Variants in SLC14A2 observed in about 807,000 individuals in gnomAD.
SLC14A2 encodes solute carrier family 14 member 2, also known as urea transporter 2.
Under a neutral mutation model 104.6 loss-of-function variants are expected in SLC14A2, and 91 were observed. The observed-to-expected ratio is 0.87, with a 90% CI of 0.73 to 1.04. SLC14A2 has a LOEUF of 1.04. Ranked by LOEUF, SLC14A2 falls within the 50% of genes least tolerant of loss-of-function variation. The pLI, the probability that SLC14A2 is intolerant of heterozygous loss-of-function variation, is 0.00. For missense variants in SLC14A2, 1,189 were observed against 1,156.0 expected (o/e 1.03, Z -0.41); for synonymous variants, 476 against 466.4 (o/e 1.02, Z -0.27).
rs756388481 is a variant in SLC14A2, at chr18:45,666,162, A to G, written c.1500A>G (p.Glu500=). Residue 500 remains glutamate (E), a synonymous_variant, in exon 12 of 20, where the codon GAA becomes GAG. Transcript: ENST00000255226. ...SKVFGKGEHQ[E]RQNKDPFPYR... is the part of the protein sequence containing the mutation. The stretch of plus-strand genomic sequence containing the variant: ...TGTTTGGAAAAGGCGAACACCAGGA[A>G]AGACAAAACAAAGACCCATTTCCCT... 1.2e-6 allele frequency: 2 copies of G among 1,613,908 alleles called. No individual in the cohort carries two copies. The highest frequency in any genetic ancestry group is 3.3e-5 in the Admixed American group (2 of 60,018).
At chr18:45,535,105 T>C (rs977525855) in intron 2 of SLC14A2, among the ~76,000 whole-genome samples, 26 of 152,232 alleles carry the variant, frequency 1.7e-4, no homozygotes, top group African/African-American at 6.3e-4. Context: ...CTCTTTCTGT[T>C]TGTGCTCTGA....
chr18:45,473,469 G>A (rs907325017), intron 1 of SLC14A2, among the ~76,000 whole-genome samples: 1 of 144,080 alleles, frequency 6.9e-6, no homozygotes, highest in Non-Finnish European at 1.6e-5. Context: ...ACTTTGGGCA[G>A]TATGGCCATT....
intron 2 of SLC14A2, among the ~76,000 whole-genome samples, chr18:45,606,842 T>G (rs899449142): frequency 4.6e-5 from 7 of 150,946 alleles, no homozygotes; most frequent in Admixed American, 4.6e-4. Flanking sequence ...TAAGGTACAC[T>G]AGGAGGAGGA....
At chr18:45,642,576 G>A (rs916711144) in intron 8 of SLC14A2, among the ~76,000 whole-genome samples, 1 of 152,242 alleles carries the variant, frequency 6.6e-6, no homozygotes, top group South Asian at 2.1e-4. Context: ...CTACATGGAC[G>A]AGCTTTCCTG....
chr18:45,315,009 AG>A (rs913130157), intron 1 of SLC14A2, among the ~76,000 whole-genome samples: 1 of 152,214 alleles, frequency 6.6e-6, no homozygotes, highest in Non-Finnish European at 1.5e-5. Context: ...CGAGTTTGAG[AG>A]GAGGTTAGTC....
At chr18:45,493,438 T>C (rs533162877) in intron 2 of SLC14A2, among the ~76,000 whole-genome samples, 1 of 152,340 alleles carries the variant, frequency 6.6e-6, no homozygotes, top group African/African-American at 2.4e-5. Flanking sequence ...AATTCAATTG[T>C]TCATGGTATA....
At chr18:45,454,690 C>A (rs544866681) in intron 1 of SLC14A2, among the ~76,000 whole-genome samples, 3 of 152,038 alleles carry the variant, frequency 2.0e-5, no homozygotes, top group Admixed American at 1.3e-4. Context: ...ATAAGGTGTA[C>A]GGAAGGGGTC....
At chr18:45,581,025 G>A (rs2044483477) in intron 2 of SLC14A2, among the ~76,000 whole-genome samples, 1 of 152,196 alleles carries the variant, frequency 6.6e-6, no homozygotes, top group Non-Finnish European at 1.5e-5. Context: ...AGACATGGCA[G>A]AGAGGCAGGG....
chr18:45,169,747 G>C, the SLC14A2 span, among the ~76,000 whole-genome samples: 3 of 152,126 alleles, frequency 2.0e-5, no homozygotes, highest in Non-Finnish European at 2.9e-5. Context: ...AGAATGTTAA[G>C]GATAGTCATA....
chr18:45,170,794 G>A, the SLC14A2 span, among the ~76,000 whole-genome samples: 133 of 152,272 alleles, frequency 8.7e-4, no homozygotes, highest in Admixed American at 4.6e-3. Flanking sequence ...GTCTGAGTCT[G>A]CTTGAGGAAA....
chr18:45,275,825 A>C (rs977047584), intron 1 of SLC14A2, among the ~76,000 whole-genome samples: 5 of 152,238 alleles, frequency 3.3e-5, no homozygotes, highest in African/African-American at 1.2e-4. Flanking sequence ...CTGAGCTTAC[A>C]TTTCAATGAG....
intron 2 of SLC14A2, among the ~76,000 whole-genome samples, chr18:45,573,404 T>G (rs2044376890): frequency 6.6e-6 from 1 of 152,214 alleles, no homozygotes; most frequent in Non-Finnish European, 1.5e-5. Flanking sequence ...AAATGTCATA[T>G]GGAAATAATA....
chr18:45,373,759 TC>T lies in SLC14A2; in HGVS notation c.-124-109473del, dbSNP rs957222824. Among the ~76,000 whole-genome samples, 4 of 152,314 alleles carry T rather than the reference TC, an allele frequency of 2.6e-5. No individual in the cohort carries two copies. The East Asian group carries it at 7.7e-4, about 29-fold the overall frequency. Reference sequence around the variant, plus strand: ...GGCCTTGGGATCAGACAGCCTGTGATCACATACCAGCTCAGCACAGGGCAAG... The same window carrying T: ...GGCCTTGGGATCAGACAGCCTGTGATACATACCAGCTCAGCACAGGGCAAG... On this transcript the variant is annotated intron_variant, in intron 1 of 20. Coordinates refer to the SLC14A2 transcript ENST00000586448.
Position 45,666,164 on chromosome 18 carries a change from G to A in SLC14A2, c.1502G>A (p.Arg501Lys). 8.1e-6 allele frequency: 13 copies of A among 1,613,904 alleles called. No homozygotes were observed. Among genetic ancestry groups the A allele is most frequent in the Non-Finnish European group, 1.1e-5 (13 of 1,179,820 alleles). Residue 501 changes from arginine to lysine, a missense_variant, in exon 12 of 20, where the codon AGA (arginine) becomes AAA (lysine). By Grantham distance (26) the Arg-to-Lys change is conservative. Transcript: ENST00000255226. Reference protein sequence around the residue: ...KVFGKGEHQERQNKDPFPYRY... With the variant: ...KVFGKGEHQEKQNKDPFPYRY... Reference sequence around the variant, plus strand: ...TTTGGAAAAGGCGAACACCAGGAAAGACAAAACAAAGACCCATTTCCCTAT... The same window carrying A: ...TTTGGAAAAGGCGAACACCAGGAAAAACAAAACAAAGACCCATTTCCCTAT...
chr18:45,302,808 GT>G (rs578160245), intron 1 of SLC14A2, among the ~76,000 whole-genome samples: 254 of 152,268 alleles, frequency 1.7e-3, no homozygotes, highest in African/African-American at 5.8e-3. Context: ...GATAGGACAT[GT>G]TTACATAAAA....
At chr18:45,563,163 T>C (rs1004472902) in intron 2 of SLC14A2, among the ~76,000 whole-genome samples, 8 of 152,178 alleles carry the variant, frequency 5.3e-5, no homozygotes, top group African/African-American at 1.7e-4. Flanking sequence ...CCTTGTAGAA[T>C]GAGAGGCAGG....
At chr18:45,187,872 G>A in the SLC14A2 span, among the ~76,000 whole-genome samples, 1 of 152,160 alleles carries the variant, frequency 6.6e-6, no homozygotes, top group Non-Finnish European at 1.5e-5. Flanking sequence ...AGGTGAGATT[G>A]AGTCATCTTA....
At chr18:45,221,112 T>C (rs1280293217) in intron 1 of SLC14A2, among the ~76,000 whole-genome samples, 1 of 152,162 alleles carries the variant, frequency 6.6e-6, no homozygotes, top group Non-Finnish European at 1.5e-5. Flanking sequence ...ACATATGAAT[T>C]TGTAAGATGA....
chr18:45,297,840 C>T (rs1431851807), intron 1 of SLC14A2, among the ~76,000 whole-genome samples: 1 of 152,124 alleles, frequency 6.6e-6, no homozygotes. Context: ...ACCCAACCAA[C>T]CCACGGAACT....
Sources: allele counts gnomAD v4.1 joint callset (sites outside exome capture counted in the v4.1 genomes callset), GRCh38; gene constraint gnomAD v4.1.1; transcripts MANE v1.5; gene names NCBI Gene and HGNC (gene_info 2026-07-23, HGNC 2026-07-21).